Variants in PXDN observed in about 807,000 individuals in gnomAD.
PXDN encodes the protein peroxidasin, also known as peroxidasin homolog.
A neutral mutation model predicts 140.3 loss-of-function variants in PXDN; 77 were observed. The ratio of observed to expected loss-of-function variants is 0.55; its 90% CI spans 0.46 to 0.66. The LOEUF (loss-of-function observed/expected upper bound fraction) is 0.66. PXDN is among the 30% of genes least tolerant of loss of function. The pLI, the probability that PXDN is intolerant of heterozygous loss-of-function variation, is 0.00. For synonymous variants in PXDN, 911 were observed against 857.4 expected, an observed-to-expected ratio of 1.06 and a Z score of -1.09; for missense variants, 1,838 against 2,039.5, an observed-to-expected ratio of 0.90 and a Z score of 1.90.
At chr2:1,638,368 G>A (rs771078419) in intron 21 of PXDN, among the ~76,000 whole-genome samples, 15 of 152,112 alleles carry the variant, frequency 9.9e-5, no homozygotes, top group Admixed American at 3.9e-4. Flanking sequence ...GAAGAGCCCC[G>A]TCTGAAAATC....
chr2:1,726,148 A>G (rs1406269251), intron 1 of PXDN, among the ~76,000 whole-genome samples: 3 of 152,100 alleles, frequency 2.0e-5, no homozygotes, highest in Non-Finnish European at 4.4e-5. Context: ...TTGCGGCACT[A>G]TTCACAATAG....
At chr2:1,635,331 A>G in intron 22 of PXDN, 77 bp downstream of exon 22, 2 of 1,288,132 alleles carry the variant, frequency 1.6e-6, no homozygotes, top group Non-Finnish European at 2.2e-6. Flanking sequence ...CATCTGGGCC[A>G]CCCACCTGAG....
chr2:1,660,931 G>C lies in PXDN; in HGVS notation c.1787C>G (p.Ala596Gly), dbSNP rs1305003148. ...PADAGRYECVARNTIGSASVS... is the reference protein window; with the variant it reads ...PADAGRYECVGRNTIGSASVS... ...CGAGGCCGACCCAATGGTGTTCCGG[G>C]CCACACACTCATAGCGACCTGCGTC... The change falls in exon 14 of 23, where the codon GCC becomes GGC. Residue 596 changes from alanine to glycine, a missense_variant. Coordinates refer to ENST00000252804, the MANE Select transcript of PXDN (RefSeq NM_012293.3). The surrounding 1 kb of genome is among the most constrained non-coding windows in gnomAD (Gnocchi z 4.6). 3 of 1,613,968 alleles carry C rather than the reference G, an allele frequency of 1.9e-6. No homozygotes were observed. In the Admixed American group the frequency reaches 5.0e-5, roughly 27 times the overall value.
chr2:1,725,711 G>C (rs1048265400), intron 1 of PXDN, among the ~76,000 whole-genome samples: 18 of 151,996 alleles, frequency 1.2e-4, no homozygotes, highest in African/African-American at 3.9e-4. Flanking sequence ...AATCTACAAT[G>C]AACTCAAACA....
intron 1 of PXDN, among the ~76,000 whole-genome samples, chr2:1,743,172 C>G (rs568955583): frequency 1.2e-4 from 19 of 152,360 alleles, no homozygotes; most frequent in African/African-American, 4.6e-4. Context: ...GTACCTGGAG[C>G]CGCGGGGCGG....
rs111859966 is a variant in PXDN, at chr2:1,686,102, T to C, written c.416+1530A>G. 2.9e-3 allele frequency among the ~76,000 whole-genome samples: 447 copies of C among 152,184 alleles called. 3 individuals carry two copies. The highest frequency in any genetic ancestry group is 4.7e-3 in the Non-Finnish European group (320 of 68,002). ...CTGTAGAGCCGATCCGGGGAAGGGG[T>C]GCAGTTCGCCAGGGTCAGGCACAAG... On this transcript the variant is annotated intron_variant, in intron 4 of 22. Coordinates refer to ENST00000252804, the MANE Select transcript of PXDN (RefSeq NM_012293.3).
intron 14 of PXDN, among the ~76,000 whole-genome samples, chr2:1,655,994 T>C (rs1023425929): frequency 6.6e-6 from 1 of 151,376 alleles, no homozygotes; most frequent in Non-Finnish European, 1.5e-5. Flanking sequence ...ATCAAACATA[T>C]AGATACACAC....
intron 3 of PXDN, among the ~76,000 whole-genome samples, chr2:1,688,435 G>A (rs903312714): frequency 2.0e-5 from 3 of 152,224 alleles, no homozygotes; most frequent in Non-Finnish European, 2.9e-5. Flanking sequence ...GACTGGTCCT[G>A]CACAGAAAAC....
Position 1,638,831 on chromosome 2 carries a change from C to G in PXDN, c.4206+15G>C, listed in dbSNP as rs749579792. Reference sequence around the variant, plus strand: ...AATCTTGGAGTGGGGGGACACAGGCCGCCAGGCACCTCACCTGTGTTCTGA... The same window carrying G: ...AATCTTGGAGTGGGGGGACACAGGCGGCCAGGCACCTCACCTGTGTTCTGA... On this transcript the variant is annotated intron_variant, in intron 21 of 22. Coordinates refer to ENST00000252804, the MANE Select transcript of PXDN (RefSeq NM_012293.3). 19 of 1,613,762 alleles carry G rather than the reference C, an allele frequency of 1.2e-5. No homozygotes were observed. Among genetic ancestry groups the G allele is most frequent in the Non-Finnish European group, 1.6e-5 (19 of 1,179,850 alleles).
intron 13 of PXDN, 83 bp from the exon 14 acceptor site, chr2:1,661,120 C>T (rs1040753222): frequency 2.3e-5 from 35 of 1,518,424 alleles, no homozygotes; most frequent in Non-Finnish European, 3.1e-5. Flanking sequence ...GGGAGGGGAG[C>T]CATTTGTTAG....
chr2:1,735,638 T>C (rs1312531904), intron 1 of PXDN, among the ~76,000 whole-genome samples: 1 of 152,192 alleles, frequency 6.6e-6, no homozygotes, highest in African/African-American at 2.4e-5. Flanking sequence ...ACAAATATGC[T>C]GTCATCCAGG....
intron 8 of PXDN, chr2:1,676,691 C>A (rs1045678011): frequency 1.8e-6 from 1 of 547,100 alleles, no homozygotes; most frequent in Non-Finnish European, 3.3e-6. Context: ...CCAGCCAGGG[C>A]ACCCCTGTGC....
intron 1 of PXDN, among the ~76,000 whole-genome samples, chr2:1,703,193 A>C (rs1429879220): frequency 7.1e-4 from 25 of 35,368 alleles, no homozygotes; most frequent in South Asian, 3.9e-3. Context: ...GGACAACTCC[A>C]GGTGAAAGAG....
At chr2:1,681,695 G>A (rs1160043393) in intron 6 of PXDN, among the ~76,000 whole-genome samples, 1 of 152,020 alleles carries the variant, frequency 6.6e-6, no homozygotes, top group East Asian at 1.9e-4. Context: ...GCTCTCAGGT[G>A]AGGAGGCTGT....
intron 13 of PXDN, 29 bp from the exon 14 acceptor site, chr2:1,661,066 T>C: frequency 6.2e-7 from 1 of 1,612,840 alleles, no homozygotes; most frequent in Non-Finnish European, 8.5e-7. Context: ...AAAACAGTAT[T>C]AGAAATAAGA....
chr2:1,705,648 T>C (rs1240023875), intron 1 of PXDN, among the ~76,000 whole-genome samples: 1 of 114,312 alleles, frequency 8.7e-6, no homozygotes, highest in Non-Finnish European at 1.8e-5. Context: ...TGCAGCTCCC[T>C]GTGACCTGGG....
At position 1,649,839 on chromosome 2, in the gene PXDN, C is replaced by T. The variant is rs961782079; in HGVS notation, c.2105-164G>A. Reference sequence around the variant, plus strand: ...CGCTTCCTGCTGGAAACCTGCTCACCTCCTGTTTGGTAAAACTGCTCCTCC... The same window carrying T: ...CGCTTCCTGCTGGAAACCTGCTCACTTCCTGTTTGGTAAAACTGCTCCTCC... On this transcript the variant is annotated intron_variant, in intron 16 of 22. Transcript: ENST00000252804. This position sits in a 1 kb window ranked among gnomAD's most constrained non-coding sequence, Gnocchi z 7.1. Among the ~76,000 whole-genome samples the T allele has an allele frequency of 2.6e-5, 4 of 152,164 alleles. No individual in the cohort carries two copies. The highest frequency in any genetic ancestry group is 4.4e-5 in the Non-Finnish European group (3 of 68,034).
At chr2:1,686,124 C>A (rs946903305) in intron 4 of PXDN, among the ~76,000 whole-genome samples, 1 of 152,220 alleles carries the variant, frequency 6.6e-6, no homozygotes, top group Non-Finnish European at 1.5e-5. Flanking sequence ...GGGTCAGGCA[C>A]AAGCCACCCT....
At chr2:1,723,450 G>T (rs1244399221) in intron 1 of PXDN, among the ~76,000 whole-genome samples, 2 of 152,164 alleles carry the variant, frequency 1.3e-5, no homozygotes, top group Non-Finnish European at 2.9e-5. Flanking sequence ...GAGTGGTTAT[G>T]GATGAATGGA....
Sources: allele counts gnomAD v4.1 joint callset (sites outside exome capture counted in the v4.1 genomes callset), GRCh38; gene constraint gnomAD v4.1.1; non-coding constraint Gnocchi (gnomAD v3.1); transcripts MANE v1.5; gene names NCBI Gene and HGNC (gene_info 2026-07-23, HGNC 2026-07-21).